The following ABR variants were observed in gnomAD, a reference collection of about 807,000 sequenced individuals.
ABR encodes the protein ABR activator of RhoGEF and GTPase.
ABR carries 35 observed loss-of-function variants against 107.2 expected under a neutral mutation model. The ratio of observed to expected loss-of-function variants is 0.33; its 90% CI spans 0.25 to 0.43. The LOEUF (loss-of-function observed/expected upper bound fraction) is 0.43. Ranked by LOEUF, ABR falls within the 20% of genes least tolerant of loss-of-function variation. ABR has a pLI of 1.00. For synonymous variants in ABR, 498 were observed against 462.0 expected (o/e 1.08, Z -1.00); for missense variants, 815 against 1,115.2 (o/e 0.73, Z 3.83).
upstream of ABR, among the ~76,000 whole-genome samples, chr17:1,181,394 C>T (rs138033566): frequency 2.9e-3 from 448 of 152,252 alleles, 1 homozygote; most frequent in Middle Eastern, 6.8e-3. Context: ...GAAGCCTCTA[C>T]AGGTGGCTGC....
At chr17:1,189,421 C>T (rs555210308), upstream of ABR, among the ~76,000 whole-genome samples, 2 of 149,192 alleles carry the variant, frequency 1.3e-5, no homozygotes, top group South Asian at 4.3e-4. Context: ...GCAATCTCGG[C>T]TCACTGAAAC....
At chr17:1,028,219 C>T (rs9895882) in intron 16 of ABR, among the ~76,000 whole-genome samples, 40,267 of 151,368 alleles carry the variant, frequency 0.27, 5,588 homozygotes, top group East Asian at 0.35. Flanking sequence ...GCCTCCCTAG[C>T]AGCTGGGATT....
At chr17:1,175,686 A>T (rs1001028724) in intron 1 of ABR, among the ~76,000 whole-genome samples, 2 of 152,170 alleles carry the variant, frequency 1.3e-5, no homozygotes, top group Non-Finnish European at 2.9e-5. Flanking sequence ...CATAGGAGAG[A>T]TGGAGGGTTT....
chr17:1,190,076 A>C (rs16943069), upstream of ABR, among the ~76,000 whole-genome samples: 1,772 of 152,282 alleles, frequency 0.012, 34 homozygotes, highest in African/African-American at 0.04. Flanking sequence ...GAAAGAACAA[A>C]TGGCCCCTAG....
chr17:1,048,809 G>A (rs2032061365), intron 16 of ABR, among the ~76,000 whole-genome samples: 1 of 151,820 alleles, frequency 6.6e-6, no homozygotes, highest in African/African-American at 2.4e-5. Flanking sequence ...AAGAAGCTCG[G>A]CGCCCAGCTG....
At chr17:1,081,926 G>A (rs1373873088) in intron 5 of ABR, among the ~76,000 whole-genome samples, 1 of 152,002 alleles carries the variant, frequency 6.6e-6, no homozygotes, top group Non-Finnish European at 1.5e-5. Context: ...AGCCCACTGT[G>A]GCTACAGATC....
rs114445762 is a variant in ABR at position 1,179,458 on chromosome 17, C to T, written c.61+209G>A. Among the ~76,000 whole-genome samples, 3,843 of 151,612 alleles carry T rather than the reference C, an allele frequency of 0.025. 162 individuals are homozygous for T. Among genetic ancestry groups the T allele is most frequent in the African/African-American group, 0.089 (3,684 of 41,320 alleles). On this transcript the variant is annotated intron_variant, in intron 1 of 22. Transcript: ENST00000302538. This position sits in a 1 kb window ranked among gnomAD's most constrained non-coding sequence, Gnocchi z 4.9. The stretch of plus-strand genomic sequence containing the variant: ...CCCCCGCCCGCGCCCCCCAGACCAG[C>T]CCGGCTCCTGGGTCCCGACCCCGAT...
rs369120447 is a variant in ABR, at chr17:1,079,346, C to T, written c.684G>A (p.Thr228=). 6.4e-5 allele frequency: 103 copies of T among 1,613,506 alleles called. 2 individuals are homozygous for T. The highest frequency in any genetic ancestry group is 8.3e-5 in the Admixed American group (5 of 59,940). ...KGPKDSKDSH[T]SVTMEALLYK... Reference sequence around the variant, plus strand: ...CCGAGGTACCTTCCATGGTGACAGACGTGTGGCTGTCCTTGGAGTCCTTGG... The same window carrying T: ...CCGAGGTACCTTCCATGGTGACAGATGTGTGGCTGTCCTTGGAGTCCTTGG... Residue 228 remains threonine (T), a synonymous_variant, in exon 6 of 23, where the codon ACG becomes ACA. Coordinates refer to ENST00000302538, the MANE Select transcript of ABR (RefSeq NM_021962.5).
intron 9 of ABR, among the ~76,000 whole-genome samples, chr17:1,069,740 C>A (rs1482602045): frequency 6.6e-6 from 1 of 151,454 alleles, no homozygotes; most frequent in African/African-American, 2.4e-5. Flanking sequence ...CCTCCCCCGC[C>A]CTGTGCCACT....
intron 1 of ABR, among the ~76,000 whole-genome samples, chr17:1,203,582 C>T (rs1015955502): frequency 1.3e-5 from 2 of 151,872 alleles, no homozygotes; most frequent in African/African-American, 2.4e-5. Flanking sequence ...CCTCCAGGCG[C>T]GGTTAATCCA....
Position 1,110,831 on chromosome 17 carries a change from C to CA in ABR, c.247-10097dup, listed in dbSNP as rs796796517. Among the ~76,000 whole-genome samples, 6 of 152,358 alleles carry CA rather than the reference C, an allele frequency of 3.9e-5. 2 individuals are homozygous for CA. The highest frequency in any genetic ancestry group is 1.4e-4 in the African/African-American group (6 of 41,586). On this transcript the variant is annotated intron_variant, in intron 2 of 22. Transcript: ENST00000302538. ...CCAGGGTTCAACAGAGGCACACCCC[C>CA]ACCCCACCCATCTCCTTCCAGCCCC...
At chr17:1,082,567 C>G (rs1021890736) in intron 5 of ABR, among the ~76,000 whole-genome samples, 3 of 152,232 alleles carry the variant, frequency 2.0e-5, no homozygotes, top group African/African-American at 7.2e-5. Context: ...TGTTCCCGGC[C>G]AGGGATTCTA....
chr17:1,066,210 C>T (rs1373898093), intron 10 of ABR, among the ~76,000 whole-genome samples: 2 of 152,158 alleles, frequency 1.3e-5, no homozygotes, highest in African/African-American at 2.4e-5. Flanking sequence ...TCTAATTTTA[C>T]TCCACTGTGG....
chr17:1,168,343 A>C (rs940284938), intron 1 of ABR, among the ~76,000 whole-genome samples: 1 of 152,214 alleles, frequency 6.6e-6, no homozygotes, highest in Non-Finnish European at 1.5e-5. Context: ...GAGCCGGAGC[A>C]ATCAGCATTA....
intron 6 of ABR, among the ~76,000 whole-genome samples, chr17:1,077,564 G>C (rs1227201358): frequency 1.3e-5 from 2 of 152,154 alleles, no homozygotes; most frequent in Non-Finnish European, 2.9e-5. Context: ...CTGCCTCAGA[G>C]CTTGCTTCCA....
upstream of ABR, chr17:1,179,986 T>G: frequency 2.7e-5 from 3 of 111,294 alleles, no homozygotes; most frequent in Non-Finnish European, 3.5e-5. The surrounding 1 kb of genome is among the most constrained non-coding windows in gnomAD (Gnocchi z 4.9). Flanking sequence ...ATGAGCAACT[T>G]CGCGGGGGGC....
At chr17:1,180,539 G>T (rs1022455010), upstream of ABR, among the ~76,000 whole-genome samples, 3 of 152,208 alleles carry the variant, frequency 2.0e-5, no homozygotes, top group South Asian at 6.2e-4. Flanking sequence ...CCGAAGTCAC[G>T]GGGGCTGTGG....
At chr17:1,166,875 G>A (rs1307852833) in intron 1 of ABR, among the ~76,000 whole-genome samples, 2 of 152,124 alleles carry the variant, frequency 1.3e-5, no homozygotes, top group Non-Finnish European at 2.9e-5. Flanking sequence ...GGTGGCACGC[G>A]CCTGTAGTCC....
chr17:1,154,341 A>G lies in ABR; in HGVS notation c.61+25326T>C, dbSNP rs945874765. On this transcript the variant is annotated intron_variant, in intron 1 of 22. Coordinates refer to ENST00000302538, the MANE Select transcript of ABR (RefSeq NM_021962.5). The surrounding 1 kb of genome is among the most constrained non-coding windows in gnomAD (Gnocchi z 4.0). ...TGGGCACCCCCACTTCCCGGGGCCC[A>G]CGGGCAGCCCGGACCTTCAGAATTC... The G allele has an allele frequency of 4.6e-5, 7 of 152,274 alleles. No homozygotes were observed. Among genetic ancestry groups the G allele is most frequent in the African/African-American group, 1.7e-4 (7 of 41,430 alleles). The allele number at this position is 152,274 out of a possible 1,614,324, so 9.4% of individuals were successfully genotyped here.
Sources: gnomAD v4.1 joint callset for allele counts (sites outside exome capture counted in the v4.1 genomes callset) on GRCh38, gnomAD v4.1.1 for gene constraint, Gnocchi (gnomAD v3.1) non-coding constraint, MANE v1.5 for transcripts, NCBI Gene and HGNC (gene_info 2026-07-23, HGNC 2026-07-21) for gene names.